PDE4A: variants seen among roughly 807,000 people sequenced by gnomAD.
PDE4A encodes the protein 3',5'-cyclic-AMP phosphodiesterase 4A.
A neutral mutation model predicts 73.9 loss-of-function variants in PDE4A; 21 were observed. The ratio of observed to expected loss-of-function variants is 0.28; its 90% confidence interval spans 0.20 to 0.41. The LOEUF (loss-of-function observed/expected upper bound fraction) is 0.41. Among genes scored for constraint, PDE4A ranks in the 10% least tolerant of loss-of-function variants. The pLI is 1.00. For synonymous variants in PDE4A, 463 were observed against 505.4 expected (o/e 0.92, Z 1.13); for missense variants, 958 against 1,211.4 (o/e 0.79, Z 3.10).
chr19:10,439,953 C>T (rs1470136900), intron 1 of PDE4A, among the ~76,000 whole-genome samples: 1 of 151,024 alleles, frequency 6.6e-6, no homozygotes, highest in Non-Finnish European at 1.5e-5. Context: ...CCTTCAGGAA[C>T]CATCCTAATA....
At position 10,466,968 on chromosome 19, in the gene PDE4A, G is replaced by C; in HGVS notation, c.2008G>C (p.Asp670His). 1.2e-6 allele frequency: 2 copies of C among 1,614,156 alleles called. No individual in the cohort carries two copies. The highest frequency in any genetic ancestry group is 1.7e-6 in the Non-Finnish European group (2 of 1,180,036). Residue 670 changes from aspartate to histidine, a missense_variant, in exon 15 of 15, where the codon GAC becomes CAC. Around this residue, in one of 3 missense-constraint regions of PDE4A, gnomAD observed 570 missense variants for 827.7 expected, o/e 0.69. Transcript: ENST00000380702. ...CCACCCAGATGCCCAGGAGATCTTGGACACTTTGGAGGACAACCGGGACTG... is the reference window on the plus strand; with the variant it reads ...CCACCCAGATGCCCAGGAGATCTTGCACACTTTGGAGGACAACCGGGACTG... Reference protein sequence around the residue: ...LVHPDAQEILDTLEDNRDWYY... With the variant: ...LVHPDAQEILHTLEDNRDWYY...
At chr19:10,459,871 C>T in intron 10 of PDE4A, 112 bp downstream of exon 10, 1 of 1,225,846 alleles carries the variant, frequency 8.2e-7, no homozygotes, top group Non-Finnish European at 1.1e-6. Context: ...TCTTTGACGC[C>T]ATTTCTCTCT....
chr19:10,417,798 C>T (rs1300923647), upstream of PDE4A: 1 of 1,555,952 alleles, frequency 6.4e-7, no homozygotes, highest in Non-Finnish European at 8.6e-7. Context: ...CCCTCTGCCG[C>T]CACGGCCCAC....
intron 1 of PDE4A, among the ~76,000 whole-genome samples, chr19:10,428,333 C>T (rs1301062289): frequency 6.7e-6 from 1 of 149,392 alleles, no homozygotes; most frequent in Non-Finnish European, 1.5e-5. Context: ...ACTCCAGCCT[C>T]GATGACAGAG....
intron 14 of PDE4A, among the ~76,000 whole-genome samples, chr19:10,465,635 C>G (rs7247481): frequency 1.4e-5 from 2 of 141,780 alleles, no homozygotes; most frequent in African/African-American, 5.2e-5. Flanking sequence ...CACTTTATAA[C>G]GTAGTTATGT....
intron 1 of PDE4A, among the ~76,000 whole-genome samples, chr19:10,431,345 G>A (rs1469242570): frequency 6.6e-6 from 1 of 152,184 alleles, no homozygotes; most frequent in Non-Finnish European, 1.5e-5. Flanking sequence ...GAGTGAGGGC[G>A]ACCTGCCATC....
chr19:10,456,029 A>ACC (rs139758154), intron 7 of PDE4A, among the ~76,000 whole-genome samples: 2 of 142,094 alleles, frequency 1.4e-5, no homozygotes, highest in African/African-American at 2.6e-5. Context: ...ACTTGGTATG[A>ACC]CCCCCCCCCA....
intron 1 of PDE4A, among the ~76,000 whole-genome samples, chr19:10,436,996 T>A (rs1394275486): frequency 6.6e-6 from 1 of 152,032 alleles, no homozygotes; most frequent in Non-Finnish European, 1.5e-5. Context: ...TGAGATCACA[T>A]CACTACACTC....
chr19:10,431,550 C>T (rs1445246247), intron 1 of PDE4A, among the ~76,000 whole-genome samples: 1 of 152,198 alleles, frequency 6.6e-6, no homozygotes, highest in Non-Finnish European at 1.5e-5. Flanking sequence ...GGCTTGAAGT[C>T]TGGGAGTGAC....
intron 2 of PDE4A, among the ~76,000 whole-genome samples, chr19:10,446,740 A>G (rs572142290): frequency 8.2e-4 from 125 of 152,068 alleles, no homozygotes; most frequent in African/African-American, 3.0e-3. Context: ...GACTACAGGC[A>G]CCAGCCATCA....
At chr19:10,448,429 G>C (rs1304368742) in intron 2 of PDE4A, among the ~76,000 whole-genome samples, 3 of 151,900 alleles carry the variant, frequency 2.0e-5, no homozygotes, top group Non-Finnish European at 4.4e-5. Context: ...TCCAGGCCAG[G>C]AGTTTGAGAC....
intron 2 of PDE4A, 120 bp downstream of exon 2, chr19:10,446,529 C>A: frequency 8.2e-7 from 1 of 1,218,016 alleles, no homozygotes. Context: ...CCAACCTGTC[C>A]TCCCCAGTGA....
At position 10,461,863 on chromosome 19, in the gene PDE4A, C is replaced by T. The variant is rs769184505; in HGVS notation, c.1621-14C>T. The T allele has an allele frequency of 1.2e-6, 2 of 1,610,690 alleles. No homozygotes were observed. Among genetic ancestry groups the T allele is most frequent in the East Asian group, 4.5e-5 (2 of 44,862 alleles). On this transcript the variant is annotated splice_polypyrimidine_tract_variant and intron_variant, in intron 12 of 14. Coordinates refer to ENST00000380702, the MANE Select transcript of PDE4A (RefSeq NM_001111307.2). The stretch of plus-strand genomic sequence containing the variant: ...CGGGTGTCAGCGGCCCCAGTGACGC[C>T]CCCTTGCCCGCAGGTGCTGGCCACG...
At chr19:10,421,867 C>T (rs768173357) in intron 1 of PDE4A, among the ~76,000 whole-genome samples, 4 of 152,160 alleles carry the variant, frequency 2.6e-5, no homozygotes, top group East Asian at 1.9e-4. Context: ...TCCAGCTGTC[C>T]GGGTATGACC....
rs1192656766 is a variant in PDE4A at position 10,468,899 on chromosome 19, C to G, written c.*1278C>G. Reference sequence around the variant, plus strand: ...GGGGACTGTTTGGAAGGAAAGCCCCCTCTCTCCCTCCTCCCCTCGCCCTCG... The same window carrying G: ...GGGGACTGTTTGGAAGGAAAGCCCCGTCTCTCCCTCCTCCCCTCGCCCTCG... On this transcript the variant is annotated 3_prime_UTR_variant, in exon 15 of 15. Coordinates refer to ENST00000380702, the MANE Select transcript of PDE4A (RefSeq NM_001111307.2). 1 of 153,150 alleles carries G rather than the reference C, an allele frequency of 6.5e-6. No individual in the cohort carries two copies. The highest frequency in any genetic ancestry group is 1.9e-4 in the East Asian group (1 of 5,300). The allele number at this position is 153,150 out of a possible 1,614,324, so 9.5% of individuals were successfully genotyped here.
Position 10,467,463 on chromosome 19 carries a change from G to T in PDE4A, c.2503G>T (p.Gly835Cys). The change falls in exon 15 of 15, where the codon GGC becomes TGC. Residue 835 changes from glycine (G) to cysteine (C), a missense_variant. Physicochemically the swap from Gly to Cys is radical, Grantham distance 159. This residue lies in a region of PDE4A where 243 missense variants were observed against 245.9 expected (regional missense o/e 0.99). Coordinates refer to ENST00000380702, the MANE Select transcript of PDE4A (RefSeq NM_001111307.2). ...RTLSVSEHAP[G>C]LPGLPSTAAE... ...CCTGTCTGTTTCAGAGCATGCCCCG[G>T]GCCTCCCGGGCCTCCCCTCCACGGC... 1.2e-6 allele frequency: 2 copies of T among 1,613,042 alleles called. No individual in the cohort carries two copies. The highest frequency in any genetic ancestry group is 2.2e-5 in the South Asian group (2 of 91,056).
intron 7 of PDE4A, among the ~76,000 whole-genome samples, chr19:10,456,294 G>A (rs186058992): frequency 3.3e-5 from 5 of 152,208 alleles, no homozygotes; most frequent in African/African-American, 4.8e-5. Context: ...TTGGAAGGCC[G>A]AGGTGGGCAG....
intron 1 of PDE4A, among the ~76,000 whole-genome samples, chr19:10,426,362 C>G (rs1417989351): frequency 6.6e-6 from 1 of 152,088 alleles, no homozygotes; most frequent in Non-Finnish European, 1.5e-5. Context: ...GCATTGAATT[C>G]GGCCCAACAC....
intron 7 of PDE4A, among the ~76,000 whole-genome samples, chr19:10,456,036 C>G (rs532350136): frequency 6.6e-6 from 1 of 151,028 alleles, no homozygotes; most frequent in Non-Finnish European, 1.5e-5. Flanking sequence ...ATGACCCCCC[C>G]CCAATTCAGT....
Sources: gnomAD v4.1 joint callset for allele counts (sites outside exome capture counted in the v4.1 genomes callset) on GRCh38, gnomAD v4.1.1 for gene constraint, gnomAD v4.1.1 regional missense constraint, MANE v1.5 for transcripts, NCBI Gene and HGNC (gene_info 2026-07-23, HGNC 2026-07-21) for gene names.